FUT8: variants seen among roughly 807,000 people sequenced by gnomAD.
The protein encoded by FUT8 is fucosyltransferase 8, also known as alpha-(1,6)-fucosyltransferase.
FUT8 carries 29 observed loss-of-function variants against 71.3 expected under a neutral mutation model. The ratio of observed to expected loss-of-function variants is 0.41; its 90% CI spans 0.30 to 0.55. The LOEUF (loss-of-function observed/expected upper bound fraction) is 0.55. Ranked by LOEUF, FUT8 falls within the 20% of genes least tolerant of loss-of-function variation. FUT8 has a pLI of 0.34. For synonymous variants in FUT8, 254 were observed against 239.3 expected (o/e 1.06, Z -0.57); for missense variants, 544 against 702.1 (o/e 0.77, Z 2.55).
At chr14:65,676,291 A>G (rs1266772650) in intron 7 of FUT8, among the ~76,000 whole-genome samples, 1 of 152,200 alleles carries the variant, frequency 6.6e-6, no homozygotes, top group Middle Eastern at 3.2e-3. Context: ...ATTTCATTGG[A>G]AAAGTTTCTG....
chr14:65,653,217 G>A (rs1231509129), intron 6 of FUT8, among the ~76,000 whole-genome samples: 5 of 152,118 alleles, frequency 3.3e-5, no homozygotes, highest in African/African-American at 4.8e-5. Context: ...TGGAAATATT[G>A]CCAGGGCTAT....
intron 5 of FUT8, among the ~76,000 whole-genome samples, chr14:65,628,574 GACAA>G (rs919772548): frequency 6.6e-6 from 1 of 152,170 alleles, no homozygotes; most frequent in South Asian, 2.1e-4. Flanking sequence ...GGGGATGTTA[GACAA>G]ACAGAGACTC....
chr14:65,376,960 A>G, the FUT8 span, among the ~76,000 whole-genome samples: 1 of 152,198 alleles, frequency 6.6e-6, no homozygotes, highest in South Asian at 2.1e-4. Flanking sequence ...GAGCCTGGCA[A>G]TGTTAGATTT....
chr14:65,699,472 C>G (rs913792233), intron 7 of FUT8, among the ~76,000 whole-genome samples: 6 of 152,142 alleles, frequency 3.9e-5, no homozygotes, highest in African/African-American at 1.4e-4. Flanking sequence ...GTGTTAGAAT[C>G]ATTACAAGAT....
intron 1 of FUT8, among the ~76,000 whole-genome samples, chr14:65,454,362 C>T (rs961713647): frequency 6.6e-6 from 1 of 151,968 alleles, no homozygotes. Context: ...CATGGTGGCT[C>T]ATGTTTGCAA....
intron 3 of FUT8, among the ~76,000 whole-genome samples, chr14:65,611,194 C>CAT (rs1888889330): frequency 6.7e-4 from 1 of 1,494 alleles, no homozygotes; most frequent in African/African-American, 1.5e-3. Context: ...TACACACACA[C>CAT]ACACGCGCGC....
At chr14:65,386,503 CAAAAAAAAAAAAA>C in the FUT8 span, among the ~76,000 whole-genome samples, 5 of 46,870 alleles carry the variant, frequency 1.1e-4, no homozygotes, top group African/African-American at 1.3e-4. Flanking sequence ...GACCTCGTCT[CAAAAAAAAAAAAA>C]AAAAAAAAAA....
At chr14:65,654,669 TC>T (rs1891580799) in intron 6 of FUT8, among the ~76,000 whole-genome samples, 1 of 151,950 alleles carries the variant, frequency 6.6e-6, no homozygotes, top group Non-Finnish European at 1.5e-5. Flanking sequence ...TTTCTGTAGT[TC>T]CTTAAAACAC....
At chr14:65,412,660 G>A (rs2065150746), upstream of FUT8, 1 of 199,462 alleles carries the variant, frequency 5.0e-6, no homozygotes, top group Non-Finnish European at 1.0e-5. Flanking sequence ...CAGGGTCGCC[G>A]TAGGTGGCAG....
the FUT8 span, among the ~76,000 whole-genome samples, chr14:65,384,693 C>A: frequency 6.6e-6 from 1 of 152,162 alleles, no homozygotes; most frequent in East Asian, 1.9e-4. This position sits in a 1 kb window ranked among gnomAD's most constrained non-coding sequence, Gnocchi z 4.2. Flanking sequence ...AGGTAACAGG[C>A]ACTCAACTGT....
chr14:65,680,613 A>G (rs895911207), intron 7 of FUT8, among the ~76,000 whole-genome samples: 12 of 152,370 alleles, frequency 7.9e-5, no homozygotes, highest in African/African-American at 2.9e-4. Flanking sequence ...TTGATTAGAA[A>G]GCTGTACATA....
In FUT8 at chr14:65,669,340, T is replaced by C; in HGVS notation, c.695T>C (p.Met232Thr). Residue 232 changes from methionine to threonine, a missense_variant, in exon 7 of 11, where the codon ATG becomes ACG. Coordinates refer to ENST00000673929, the MANE Select transcript of FUT8 (RefSeq NM_001371533.1). The surrounding 1 kb of genome is among the most constrained non-coding windows in gnomAD (Gnocchi z 4.5). Reference protein sequence around the residue: ...CQLHHVVYCFMIAYGTQRTLI... With the variant: ...CQLHHVVYCFTIAYGTQRTLI... ...CTCCATCATGTGGTCTACTGCTTCA[T>C]GATTGCATATGGCACCCAGCGAACA... 2 of 1,613,934 alleles carry C rather than the reference T, an allele frequency of 1.2e-6. No homozygotes were observed. Among genetic ancestry groups the C allele is most frequent in the Non-Finnish European group, 8.5e-7 (1 of 1,179,888 alleles).
At chr14:65,719,754 T>C (rs943723967) in intron 7 of FUT8, among the ~76,000 whole-genome samples, 2 of 152,238 alleles carry the variant, frequency 1.3e-5, no homozygotes, top group Admixed American at 6.5e-5. Context: ...AGAAGAATTC[T>C]CTGGATTACC....
chr14:65,461,004 T>TAC (rs1197021052), intron 2 of FUT8, among the ~76,000 whole-genome samples: 14 of 152,160 alleles, frequency 9.2e-5, no homozygotes. Context: ...GAAAGCTGTG[T>TAC]GTGTGTGTAT....
At chr14:65,611,441 ATTTTTC>A (rs1888993258) in intron 3 of FUT8, among the ~76,000 whole-genome samples, 1 of 149,506 alleles carries the variant, frequency 6.7e-6, no homozygotes, top group African/African-American at 2.5e-5. Flanking sequence ...GTTTTTATCT[ATTTTTC>A]TTTTTCTCCA....
intron 3 of FUT8, among the ~76,000 whole-genome samples, chr14:65,600,457 A>C (rs1428557745): frequency 6.6e-6 from 1 of 152,172 alleles, no homozygotes; most frequent in Non-Finnish European, 1.5e-5. Context: ...CACAGATTTG[A>C]ATGTAGCGGG....
chr14:65,601,289 C>T (rs1489621856), intron 3 of FUT8, among the ~76,000 whole-genome samples: 3 of 152,186 alleles, frequency 2.0e-5, no homozygotes, highest in East Asian at 1.9e-4. Context: ...CTCCATGTAT[C>T]GAATTTGACA....
chr14:65,551,256 A>G (rs1422135931), intron 2 of FUT8, among the ~76,000 whole-genome samples: 1 of 152,224 alleles, frequency 6.6e-6, no homozygotes, highest in African/African-American at 2.4e-5. Flanking sequence ...ACACAGTCAT[A>G]TGCCAAATGT....
At chr14:65,694,714 T>C (rs1379688657) in intron 7 of FUT8, among the ~76,000 whole-genome samples, 1 of 151,906 alleles carries the variant, frequency 6.6e-6, no homozygotes, top group African/African-American at 2.4e-5. Flanking sequence ...TATGCAGCCA[T>C]AAAAAATGAT....
Sources: gnomAD v4.1 joint callset for allele counts (sites outside exome capture counted in the v4.1 genomes callset) on GRCh38, gnomAD v4.1.1 for gene constraint, Gnocchi (gnomAD v3.1) non-coding constraint, MANE v1.5 for transcripts, NCBI Gene and HGNC (gene_info 2026-07-23, HGNC 2026-07-21) for gene names.